Variants in FLT3LG observed in about 807,000 individuals in gnomAD.
FLT3LG encodes the protein fms-related tyrosine kinase 3 ligand.
A neutral mutation model predicts 30.9 loss-of-function variants in FLT3LG; 8 were observed. That is an observed-to-expected ratio of 0.26 (90% confidence interval 0.15 to 0.47). The LOEUF is 0.47. FLT3LG is among the 20% of genes least tolerant of loss of function. The probability of loss-of-function intolerance (pLI) is 0.99; values close to 1 mark genes in which losing one functional copy is unlikely to be tolerated. For synonymous variants in FLT3LG, 123 were observed against 135.9 expected, an observed-to-expected ratio of 0.91 and a Z score of 0.66; for missense variants, 278 against 306.2, an observed-to-expected ratio of 0.91 and a Z score of 0.69.
At chr19:49,483,251 G>C (rs977349868) in intron 8 of FLT3LG, among the ~76,000 whole-genome samples, 2 of 151,548 alleles carry the variant, frequency 1.3e-5, no homozygotes, top group African/African-American at 2.4e-5. Context: ...TCAGCCTCCC[G>C]AGTACCTGGG....
intron 5 of FLT3LG, 97 bp from the exon 6 acceptor site, chr19:49,478,812 C>A: frequency 3.5e-6 from 4 of 1,149,944 alleles, no homozygotes; most frequent in Non-Finnish European, 4.7e-6. Flanking sequence ...CTCACTGGGC[C>A]CTGTTGCTGG....
At chr19:49,482,927 TCA>T (rs2079664824) in intron 8 of FLT3LG, among the ~76,000 whole-genome samples, 1 of 150,810 alleles carries the variant, frequency 6.6e-6, no homozygotes, top group Non-Finnish European at 1.5e-5. Context: ...GCGCCCGGGG[TCA>T]CAGTTTTTAA....
Position 49,479,886 on chromosome 19 carries a change from C to T in FLT3LG, c.482-412C>T, listed in dbSNP as rs140661145. 688 of 161,580 alleles carry T rather than the reference C, an allele frequency of 4.3e-3. 2 individuals are homozygous for T. Among genetic ancestry groups the T allele is most frequent in the African/African-American group, 0.016 (664 of 41,402 alleles). 10.0% of individuals were successfully genotyped at this position (161,580 alleles called of 1,614,324 possible). A position where few individuals can be genotyped will look rare whatever the true frequency, so the allele number is the denominator to read the frequency against. On this transcript the variant is annotated intron_variant, in intron 6 of 8. Coordinates refer to ENST00000597551, the MANE Select transcript of FLT3LG (RefSeq NM_001459.4). ...GTGGCGCAATCTTGGCTCACTGCAA[C>T]CTCCATCTCCAGGGTTCAAGCGAAT...
intron 8 of FLT3LG, among the ~76,000 whole-genome samples, chr19:49,484,118 C>G (rs1001909151): frequency 6.7e-6 from 1 of 149,690 alleles, no homozygotes; most frequent in African/African-American, 2.4e-5. Context: ...CTCTTGACCT[C>G]GTGATCTGCC....
In FLT3LG at chr19:49,480,494, AG is replaced by A. The variant is rs1568675492; in HGVS notation, c.660+23del. 6.3e-7 allele frequency: 1 copy of A among 1,595,304 alleles called. No homozygotes were observed. Among genetic ancestry groups the A allele is most frequent in the African/African-American group, 1.3e-5 (1 of 74,480 alleles). The stretch of plus-strand genomic sequence containing the variant: ...GGGAGCAGGTGAGCAGGCTGGGAAG[AG>A]GGGGTGAGGGGGCCGAGAGGGTGGC... On this transcript the variant is annotated intron_variant, in intron 7 of 8. Coordinates refer to ENST00000597551, the MANE Select transcript of FLT3LG (RefSeq NM_001459.4).
chr19:49,476,871 G>A lies in FLT3LG; in HGVS notation c.342+305G>A, dbSNP rs2079412927. The A allele has an allele frequency of 1.1e-5, 4 of 351,330 alleles. 1 individual carries two copies. The highest frequency in any genetic ancestry group is 1.1e-4 in the South Asian group (4 of 37,326). The allele number at this position is 351,330 out of a possible 1,614,324, so 21.8% of individuals were successfully genotyped here. A position where few individuals can be genotyped will look rare whatever the true frequency, so the allele number is the denominator to read the frequency against. On this transcript the variant is annotated intron_variant, in intron 5 of 8. Transcript: ENST00000597551. The surrounding 1 kb of genome is among the most constrained non-coding windows in gnomAD (Gnocchi z 5.3). ...GGGGTCTCTAAACTGAGGAGGCCGG[G>A]CGTGGTGGCTCACTCCTGTAATCCT...
At position 49,482,551 on chromosome 19, in the gene FLT3LG, A is replaced by T. The variant is rs145275534; in HGVS notation, c.*21+1931A>T. On this transcript the variant is annotated intron_variant, in intron 8 of 8. Transcript: ENST00000597551. Reference sequence around the variant, plus strand: ...GTTATGGGGTGAAGTGAAGTGACACAGGCAAGGCTCTTAGAGCAACGCAGT... The same window carrying T: ...GTTATGGGGTGAAGTGAAGTGACACTGGCAAGGCTCTTAGAGCAACGCAGT... 4.5e-3 allele frequency among the ~76,000 whole-genome samples: 692 copies of T among 152,100 alleles called. 2 individuals carry two copies. The highest frequency in any genetic ancestry group is 0.016 in the African/African-American group (668 of 41,488).
chr19:49,474,859 A>AG (rs1601063879), intron 2 of FLT3LG, among the ~76,000 whole-genome samples, 187 bp downstream of exon 2: 6 of 107,936 alleles, frequency 5.6e-5, no homozygotes, highest in South Asian at 3.8e-4. Context: ...TGGACAGAGG[A>AG]TGGGGAGATG....
At position 49,476,606 on chromosome 19, in the gene FLT3LG, T is replaced by C; in HGVS notation, c.342+40T>C. The C allele has an allele frequency of 6.2e-7, 1 of 1,612,282 alleles. No individual in the cohort carries two copies. Among genetic ancestry groups the C allele is most frequent in the Non-Finnish European group, 8.5e-7 (1 of 1,179,360 alleles). Reference sequence around the variant, plus strand: ...TAGGGGACAAGTGAGGGGAGGGAGATGCCTTCCTACGAATTAGAAGTAAAG... The same window carrying C: ...TAGGGGACAAGTGAGGGGAGGGAGACGCCTTCCTACGAATTAGAAGTAAAG... On this transcript the variant is annotated intron_variant, in intron 5 of 8. Coordinates refer to ENST00000597551, the MANE Select transcript of FLT3LG (RefSeq NM_001459.4). This position sits in a 1 kb window ranked among gnomAD's most constrained non-coding sequence, Gnocchi z 5.3.
At chr19:49,481,100 G>A (rs1342949906) in intron 8 of FLT3LG, 9 of 157,826 alleles carry the variant, frequency 5.7e-5, no homozygotes, top group Non-Finnish European at 9.8e-5. Context: ...AGACCAAGCC[G>A]GAGGCTGTGG....
At position 49,484,362 on chromosome 19, in the gene FLT3LG, T is replaced by C. The variant is rs2079729008; in HGVS notation, c.*22-1653T>C. On this transcript the variant is annotated intron_variant, in intron 8 of 8. Transcript: ENST00000597551. ...CAGGCTGGAGTGCAGTGGTGCTATC[T>C]TGACTCACGGCAACCTCCACCTCCC... Among the ~76,000 whole-genome samples the C allele has an allele frequency of 1.3e-5, 2 of 148,786 alleles. 1 individual carries two copies. Among genetic ancestry groups the C allele is most frequent in the South Asian group, 4.3e-4 (2 of 4,700 alleles).
In FLT3LG at chr19:49,485,239, CTTTT is replaced by C. The variant is rs960350633; in HGVS notation, c.*22-771_*22-768del. Among the ~76,000 whole-genome samples the C allele has an allele frequency of 1.1e-4, 15 of 140,862 alleles. No homozygotes were observed. The South Asian group carries it at 2.0e-3, about 18-fold the overall frequency. The allele number at this position is 140,862 out of a possible 152,430, so 92.4% of individuals were successfully genotyped here. On this transcript the variant is annotated intron_variant, in intron 8 of 8. Coordinates refer to ENST00000597551, the MANE Select transcript of FLT3LG (RefSeq NM_001459.4). ...GCAAAAATAGAGAACGTTTCTTTTT[CTTTT>C]TTTTCTTTTTTTTTTTTTTTTTGAG...
intron 5 of FLT3LG, among the ~76,000 whole-genome samples, chr19:49,477,915 G>A (rs536373520): frequency 1.3e-5 from 2 of 149,864 alleles, no homozygotes; most frequent in African/African-American, 2.5e-5. Flanking sequence ...GCATGGTGGC[G>A]CGCGCCTGTA....
intron 5 of FLT3LG, among the ~76,000 whole-genome samples, chr19:49,478,650 A>G (rs1210999958): frequency 6.6e-6 from 1 of 151,500 alleles, no homozygotes; most frequent in Non-Finnish European, 1.5e-5. Context: ...GTGGGCACCT[A>G]TAGTCCCAAC....
rs1348685168 is a variant in FLT3LG, at chr19:49,476,819, T to G, written c.342+253T>G. The G allele has an allele frequency of 2.2e-6, 1 of 456,394 alleles. No individual in the cohort carries two copies. The highest frequency in any genetic ancestry group is 3.9e-6 in the Non-Finnish European group (1 of 255,624). The allele number at this position is 456,394 out of a possible 1,614,324, so 28.3% of individuals were successfully genotyped here. A position where few individuals can be genotyped will look rare whatever the true frequency, so the allele number is the denominator to read the frequency against. ...GATGAAGGGTGCCACTGAGGGGTTC[T>G]TCCCCCAAAAAAAAACAGGGAGAGA... On this transcript the variant is annotated intron_variant, in intron 5 of 8. Transcript: ENST00000597551. This position sits in a 1 kb window ranked among gnomAD's most constrained non-coding sequence, Gnocchi z 5.3.
At position 49,486,179 on chromosome 19, in the gene FLT3LG, T is replaced by C. The variant is rs1338917385; in HGVS notation, c.*186T>C. 6.5e-6 allele frequency: 1 copy of C among 152,698 alleles called. No homozygotes were observed. Among genetic ancestry groups the C allele is most frequent in the Non-Finnish European group, 1.5e-5 (1 of 68,072 alleles). The allele number at this position is 152,698 out of a possible 1,614,324, so 9.5% of individuals were successfully genotyped here. ...AGCACCGGCCCCATTTACCCAACTC[T>C]GTACAAAGCCCTTGTCCCCATGAAA... On this transcript the variant is annotated 3_prime_UTR_variant, in exon 9 of 9. Transcript: ENST00000597551.
intron 5 of FLT3LG, among the ~76,000 whole-genome samples, chr19:49,477,688 G>A (rs973888801): frequency 2.6e-5 from 4 of 151,684 alleles, no homozygotes; most frequent in African/African-American, 9.7e-5. Context: ...GTTGCAGTGA[G>A]CCGAGATCAC....
intron 8 of FLT3LG, among the ~76,000 whole-genome samples, chr19:49,482,568 C>T (rs1310632266): frequency 6.6e-6 from 1 of 151,640 alleles, no homozygotes; most frequent in African/African-American, 2.4e-5. Context: ...GCTCTTAGAG[C>T]AACGCAGTGG....
intron 5 of FLT3LG, among the ~76,000 whole-genome samples, chr19:49,478,030 A>G (rs4802611): frequency 0.24 from 36,918 of 151,096 alleles, 8,370 homozygotes; most frequent in African/African-American, 0.61. Flanking sequence ...GTGACAGAGC[A>G]AGACTCTGTC....
Sources: gnomAD v4.1 joint callset for allele counts (sites outside exome capture counted in the v4.1 genomes callset) on GRCh38, gnomAD v4.1.1 for gene constraint, Gnocchi (gnomAD v3.1) non-coding constraint, MANE v1.5 for transcripts, NCBI Gene and HGNC (gene_info 2026-07-23, HGNC 2026-07-21) for gene names.